The following SOX6 variants were observed in gnomAD, a reference collection of about 807,000 sequenced individuals.
SOX6 encodes the protein SRY-box transcription factor 6, also known as transcription factor SOX-6.
A neutral mutation model predicts 97.8 loss-of-function variants in SOX6; 11 were observed. The observed-to-expected ratio is 0.11, with a 90% confidence interval of 0.07 to 0.19. The LOEUF (loss-of-function observed/expected upper bound fraction) is 0.19. Among genes scored for constraint, SOX6 ranks in the 10% least tolerant of loss-of-function variants. The pLI, the probability that SOX6 is intolerant of heterozygous loss-of-function variation, is 1.00. For missense variants in SOX6, 810 were observed against 1,039.5 expected, an observed-to-expected ratio of 0.78 and a Z score of 3.04; for synonymous variants, 360 against 371.4, an observed-to-expected ratio of 0.97 and a Z score of 0.35.
chr11:16,459,404 T>C (rs1044026448), intron 1 of SOX6, among the ~76,000 whole-genome samples: 50 of 152,048 alleles, frequency 3.3e-4, no homozygotes, highest in African/African-American at 1.1e-3. Context: ...AATCGTGAAA[T>C]TTACACTCTC....
intron 3 of SOX6, among the ~76,000 whole-genome samples, chr11:16,671,983 G>A (rs563755319): frequency 6.6e-6 from 1 of 152,298 alleles, no homozygotes; most frequent in South Asian, 2.1e-4. Context: ...GAAGAGATTG[G>A]GGGCCTACAG....
At chr11:16,458,713 C>T (rs758744651) in intron 1 of SOX6, among the ~76,000 whole-genome samples, 4 of 152,074 alleles carry the variant, frequency 2.6e-5, no homozygotes, top group Non-Finnish European at 5.9e-5. Flanking sequence ...CCAGATTTAT[C>T]CTGCTGGCTT....
At chr11:16,144,955 A>G (rs1850250279) in intron 6 of SOX6, among the ~76,000 whole-genome samples, 1 of 152,238 alleles carries the variant, frequency 6.6e-6, no homozygotes, top group South Asian at 2.1e-4. Flanking sequence ...TTCTGAAATT[A>G]TTCCAATCAA....
intron 12 of SOX6, among the ~76,000 whole-genome samples, chr11:16,034,590 C>T (rs534175834): frequency 1.6e-4 from 25 of 152,308 alleles, no homozygotes; most frequent in Admixed American, 6.5e-4. Flanking sequence ...GCAAAGTTTT[C>T]ACATATACTC....
chr11:16,453,036 C>A (rs1425084684), intron 1 of SOX6, among the ~76,000 whole-genome samples: 1 of 152,136 alleles, frequency 6.6e-6, no homozygotes, highest in African/African-American at 2.4e-5. Context: ...TGTCACTGCT[C>A]TCATGGCATA....
chr11:16,569,217 A>C (rs1442418838), intron 4 of SOX6, among the ~76,000 whole-genome samples: 1 of 152,248 alleles, frequency 6.6e-6, no homozygotes, highest in Non-Finnish European at 1.5e-5. Context: ...AATTAATTTC[A>C]ATCATTTAAA....
At chr11:15,995,757 G>A (rs1281064341) in intron 13 of SOX6, among the ~76,000 whole-genome samples, 1 of 152,046 alleles carries the variant, frequency 6.6e-6, no homozygotes, top group East Asian at 1.9e-4. Context: ...TACTTACGGG[G>A]AAACAAAATT....
intron 3 of SOX6, among the ~76,000 whole-genome samples, chr11:16,697,498 G>T (rs1349501760): frequency 6.6e-6 from 1 of 152,154 alleles, no homozygotes; most frequent in Non-Finnish European, 1.5e-5. Context: ...GTTAGGCATA[G>T]TGGCACGTGC....
intron 1 of SOX6, among the ~76,000 whole-genome samples, chr11:16,373,094 A>G (rs902475476): frequency 3.9e-5 from 6 of 152,106 alleles, no homozygotes; most frequent in African/African-American, 1.4e-4. Flanking sequence ...TATTCCTAAT[A>G]GTGTGTTAGT....
At chr11:16,397,222 T>C (rs1565130356) in intron 1 of SOX6, among the ~76,000 whole-genome samples, 1 of 151,478 alleles carries the variant, frequency 6.6e-6, no homozygotes, top group South Asian at 2.1e-4. Context: ...AATCTAATCA[T>C]GTATTTTTAT....
Position 16,326,111 on chromosome 11 carries a change from A to C in SOX6, c.238-7458T>G, listed in dbSNP as rs563779520. Reference sequence around the variant, plus strand: ...AGCAGCAGTATTGGACTAAGACATTAATTACAACACATTGTTTACTGTTTG... The same window carrying C: ...AGCAGCAGTATTGGACTAAGACATTCATTACAACACATTGTTTACTGTTTG... On this transcript the variant is annotated intron_variant, in intron 2 of 15. Coordinates refer to ENST00000683767, the MANE Select transcript of SOX6 (RefSeq NM_001367873.1). Among the ~76,000 whole-genome samples the C allele has an allele frequency of 2.0e-5, 3 of 152,336 alleles. No individual in the cohort carries two copies. The South Asian group carries it at 6.2e-4, about 32-fold the overall frequency.
intron 4 of SOX6, among the ~76,000 whole-genome samples, chr11:16,565,387 C>T (rs536682361): frequency 4.6e-5 from 7 of 152,148 alleles, no homozygotes; most frequent in Middle Eastern, 3.4e-3. Flanking sequence ...ACCAATTCTA[C>T]GCAATCTCTT....
intron 4 of SOX6, among the ~76,000 whole-genome samples, chr11:16,599,822 T>C (rs1848248642): frequency 6.6e-6 from 1 of 152,158 alleles, no homozygotes; most frequent in South Asian, 2.1e-4. Flanking sequence ...TTCCTAAAAA[T>C]GAAAGTTTTT....
At chr11:16,050,023 C>T in intron 10 of SOX6, 85 bp from the exon 11 acceptor site, 1 of 1,370,822 alleles carries the variant, frequency 7.3e-7, no homozygotes, top group Non-Finnish European at 1.0e-6. Flanking sequence ...TATTTTACAC[C>T]TCAGAGACAA....
intron 3 of SOX6, among the ~76,000 whole-genome samples, chr11:16,713,072 G>A (rs1443353509): frequency 1.3e-5 from 2 of 152,110 alleles, no homozygotes; most frequent in African/African-American, 4.8e-5. Context: ...AGGTGACACA[G>A]CATTAACTGA....
At chr11:16,459,518 G>T (rs897992105) in intron 1 of SOX6, among the ~76,000 whole-genome samples, 4 of 151,998 alleles carry the variant, frequency 2.6e-5, no homozygotes, top group African/African-American at 9.7e-5. Context: ...AAATGACATA[G>T]ATGATAAAAC....
chr11:16,147,778 G>C, intron 6 of SOX6, among the ~76,000 whole-genome samples: 1 of 152,230 alleles, frequency 6.6e-6, no homozygotes, highest in South Asian at 2.1e-4. Flanking sequence ...GAAGAGCACA[G>C]CCAGTTTACT....
At chr11:16,026,560 C>A (rs993333806) in intron 12 of SOX6, among the ~76,000 whole-genome samples, 1 of 152,096 alleles carries the variant, frequency 6.6e-6, no homozygotes, top group Non-Finnish European at 1.5e-5. Context: ...TTTTTGTCTG[C>A]AAGTAAAGTA....
chr11:16,178,990 A>G (rs1203905813), intron 6 of SOX6, among the ~76,000 whole-genome samples: 1 of 151,928 alleles, frequency 6.6e-6, no homozygotes, highest in African/African-American at 2.4e-5. Context: ...TCTCCAATAT[A>G]TATCTATTAT....
Sources: gnomAD v4.1 joint callset for allele counts (sites outside exome capture counted in the v4.1 genomes callset) on GRCh38, gnomAD v4.1.1 for gene constraint, MANE v1.5 for transcripts, NCBI Gene and HGNC (gene_info 2026-07-23, HGNC 2026-07-21) for gene names.